Variants in HMCN1 observed in about 807,000 individuals in gnomAD.
HMCN1 encodes hemicentin-1.
Under a neutral mutation model 625.9 loss-of-function variants are expected in HMCN1, and 321 were observed. The ratio of observed to expected loss-of-function variants is 0.51; its 90% CI spans 0.47 to 0.56. HMCN1 has a LOEUF of 0.56. Ranked by LOEUF, HMCN1 falls within the 20% of genes least tolerant of loss-of-function variation. HMCN1 has a pLI of 0.00. For missense variants in HMCN1, 6,588 were observed against 6,887.3 expected, an observed-to-expected ratio of 0.96 and a Z score of 1.54; for synonymous variants, 2,425 against 2,417.6, an observed-to-expected ratio of 1.00 and a Z score of -0.09.
chr1:186,016,041 G>C lies in HMCN1; in HGVS notation c.4993G>C (p.Ala1665Pro), dbSNP rs148365191. Residue 1665 changes from alanine to proline, a missense_variant, in exon 32 of 107, where the codon GCT (alanine) becomes CCT (proline). This residue lies in a region of HMCN1 where 4,628 missense variants were observed against 4,853.1 expected (regional missense o/e 0.95). Coordinates refer to ENST00000271588, the MANE Select transcript of HMCN1 (RefSeq NM_031935.3). ...TCATTCTCTGACACTGGAGTGCAAA[G>C]CTGCTGGAAACCCTTCTCCCATTCT... is the stretch of plus-strand genomic sequence containing the variant. ...IAHSLTLECK[A>P]AGNPSPILTW... 593 of 1,613,496 alleles carry C rather than the reference G, an allele frequency of 3.7e-4. 5 individuals carry two copies. In the Admixed American group the frequency reaches 9.8e-3, roughly 27 times the overall value.
At chr1:185,951,072 T>G (rs1401645336) in intron 11 of HMCN1, among the ~76,000 whole-genome samples, 60 of 151,126 alleles carry the variant, frequency 4.0e-4, no homozygotes, top group African/African-American at 1.5e-3. Context: ...GTGATTAGGT[T>G]TTAATGAGAT....
In HMCN1 at chr1:186,061,935, A is replaced by G. The variant is rs774856708; in HGVS notation, c.7397A>G (p.Glu2466Gly). Residue 2466 changes from glutamate (E) to glycine (G), a missense_variant, in exon 47 of 107, where the codon GAA (glutamate) becomes GGA (glycine). Around this residue, in one of 3 missense-constraint regions of HMCN1, gnomAD observed 4,628 missense variants for 4,853.1 expected, o/e 0.95. Transcript: ENST00000271588. ...TCVVRNAAGE[E>G]RKIFGLSVLV... ...GTTGTAAGGAATGCAGCTGGTGAAGAAAGAAAAATCTTTGGGCTTTCAGTA... is the reference window on the plus strand; with the variant it reads ...GTTGTAAGGAATGCAGCTGGTGAAGGAAGAAAAATCTTTGGGCTTTCAGTA... The G allele has an allele frequency of 1.2e-6, 2 of 1,612,400 alleles. No individual in the cohort carries two copies. Among genetic ancestry groups the G allele is most frequent in the Admixed American group, 3.3e-5 (2 of 59,986 alleles).
chr1:185,901,781 C>T (rs890135730), intron 4 of HMCN1, among the ~76,000 whole-genome samples: 1 of 151,870 alleles, frequency 6.6e-6, no homozygotes, highest in African/African-American at 2.4e-5. Flanking sequence ...CAAAATAGAC[C>T]TAATCCCAGT....
intron 14 of HMCN1, among the ~76,000 whole-genome samples, chr1:185,968,623 T>C (rs922533274): frequency 1.3e-5 from 2 of 151,992 alleles, no homozygotes; most frequent in African/African-American, 4.8e-5. Context: ...AAAGATCTTA[T>C]GCCAGAGATA....
intron 4 of HMCN1, among the ~76,000 whole-genome samples, chr1:185,890,353 C>A (rs1400127284): frequency 6.8e-6 from 1 of 147,910 alleles, no homozygotes; most frequent in South Asian, 2.1e-4. Flanking sequence ...CTTCTGCTAG[C>A]TTTTGAATGG....
chr1:186,045,221 C>A (rs188617988), intron 40 of HMCN1, among the ~76,000 whole-genome samples: 1 of 152,126 alleles, frequency 6.6e-6, no homozygotes, highest in African/African-American at 2.4e-5. Context: ...TTGCACGCTG[C>A]GAGATGGGAC....
intron 35 of HMCN1, among the ~76,000 whole-genome samples, chr1:186,020,633 A>C (rs1416360386): frequency 6.6e-6 from 1 of 152,124 alleles, no homozygotes; most frequent in East Asian, 1.9e-4. Context: ...TAGAGGTGTA[A>C]GAACATATAA....
intron 4 of HMCN1, among the ~76,000 whole-genome samples, chr1:185,901,825 G>C (rs1322356): frequency 0.071 from 10,830 of 151,788 alleles, 1,352 homozygotes; most frequent in African/African-American, 0.25. Context: ...AAACCAGATC[G>C]TAGACTGTAC....
At chr1:186,122,088 G>A (rs1661425696) in intron 80 of HMCN1, among the ~76,000 whole-genome samples, 1 of 152,134 alleles carries the variant, frequency 6.6e-6, no homozygotes, top group East Asian at 1.9e-4. Flanking sequence ...TTATTGACAT[G>A]AGAGAAATTA....
intron 36 of HMCN1, among the ~76,000 whole-genome samples, chr1:186,024,408 C>T (rs1349189254): frequency 1.3e-5 from 2 of 152,082 alleles, no homozygotes; most frequent in Non-Finnish European, 2.9e-5. Context: ...TCTCTTCTTT[C>T]TTATTTCCCT....
At chr1:186,053,143 A>G (rs921871280) in intron 43 of HMCN1, 69 bp downstream of exon 43, 1 of 1,424,524 alleles carries the variant, frequency 7.0e-7, no homozygotes, top group Middle Eastern at 1.8e-4. Flanking sequence ...TCGTTTAATA[A>G]ATGTGTTAGA....
intron 1 of HMCN1, among the ~76,000 whole-genome samples, chr1:185,787,922 A>G (rs965668379): frequency 6.6e-6 from 1 of 152,216 alleles, no homozygotes; most frequent in Non-Finnish European, 1.5e-5. Context: ...ATTGAGGCCC[A>G]GTTGCTTAGA....
At chr1:185,775,149 A>G (rs1656507171) in intron 1 of HMCN1, among the ~76,000 whole-genome samples, 1 of 152,204 alleles carries the variant, frequency 6.6e-6, no homozygotes. Context: ...TATCACCTGG[A>G]TATTTTTGTT....
At chr1:185,828,674 G>A (rs1002049810) in intron 1 of HMCN1, among the ~76,000 whole-genome samples, 1 of 152,042 alleles carries the variant, frequency 6.6e-6, no homozygotes, top group African/African-American at 2.4e-5. Context: ...ACAAGGAAAA[G>A]TGCACTCATC....
At chr1:185,850,853 A>G (rs1308139243) in intron 2 of HMCN1, among the ~76,000 whole-genome samples, 2 of 152,140 alleles carry the variant, frequency 1.3e-5, no homozygotes, top group East Asian at 1.9e-4. Context: ...AGGGAAAAAA[A>G]TCAAATACTT....
chr1:185,969,150 G>T (rs1283150949), intron 14 of HMCN1, among the ~76,000 whole-genome samples: 1 of 152,152 alleles, frequency 6.6e-6, no homozygotes, highest in Non-Finnish European at 1.5e-5. Flanking sequence ...AGGTCAGATT[G>T]CATCCTCCTG....
intron 1 of HMCN1, among the ~76,000 whole-genome samples, chr1:185,814,633 A>G (rs1184483721): frequency 6.6e-6 from 1 of 150,526 alleles, no homozygotes; most frequent in Admixed American, 6.6e-5. Flanking sequence ...ATTGTTTCTT[A>G]GGAGGTTATC....
intron 35 of HMCN1, 99 bp from the exon 36 acceptor site, chr1:186,022,931 T>C: frequency 8.4e-7 from 1 of 1,192,224 alleles, no homozygotes; most frequent in Admixed American, 1.7e-5. Context: ...AAAATATTGT[T>C]AGATATTATA....
At chr1:185,736,287 A>G (rs916668512) in intron 1 of HMCN1, among the ~76,000 whole-genome samples, 1 of 152,160 alleles carries the variant, frequency 6.6e-6, no homozygotes, top group Non-Finnish European at 1.5e-5. Context: ...TACATTACAT[A>G]TATGTAATTA....
Sources: gnomAD v4.1 joint callset for allele counts (sites outside exome capture counted in the v4.1 genomes callset) on GRCh38, gnomAD v4.1.1 for gene constraint, gnomAD v4.1.1 regional missense constraint, MANE v1.5 for transcripts, NCBI Gene and HGNC (gene_info 2026-07-23, HGNC 2026-07-21) for gene names.